Variants in FOXJ3 observed in about 807,000 individuals in gnomAD.
The protein encoded by FOXJ3 is forkhead box protein J3.
Under a neutral mutation model 76.1 loss-of-function variants are expected in FOXJ3, and 22 were observed. The observed-to-expected ratio is 0.29, with a 90% CI of 0.21 to 0.41. The LOEUF (loss-of-function observed/expected upper bound fraction) is 0.41. Ranked by LOEUF, FOXJ3 falls within the 10% of genes least tolerant of loss-of-function variation. The probability of loss-of-function intolerance (pLI) is 1.00; values close to 1 mark genes in which losing one functional copy is unlikely to be tolerated. For synonymous variants in FOXJ3, 269 were observed against 261.2 expected (o/e 1.03, Z -0.29); for missense variants, 613 against 762.1 (o/e 0.80, Z 2.30).
intron 5 of FOXJ3, among the ~76,000 whole-genome samples, chr1:42,212,980 A>AC (rs1646995765): frequency 2.6e-5 from 4 of 151,206 alleles, no homozygotes; most frequent in Admixed American, 6.6e-5. Context: ...AACAAAAAAA[A>AC]AACTAAGTTT....
chr1:42,275,696 A>T (rs1481694790), intron 3 of FOXJ3, among the ~76,000 whole-genome samples: 5 of 152,200 alleles, frequency 3.3e-5, no homozygotes, highest in East Asian at 1.9e-4. Flanking sequence ...ATAAAAATTT[A>T]AAAAAAGAAA....
At chr1:42,252,914 G>A (rs1157803137) in intron 4 of FOXJ3, among the ~76,000 whole-genome samples, 2 of 150,066 alleles carry the variant, frequency 1.3e-5, no homozygotes, top group Non-Finnish European at 3.0e-5. Context: ...AGACAGGGAT[G>A]CCCTCTCTCA....
At chr1:42,314,640 G>A (rs1655004155) in intron 1 of FOXJ3, among the ~76,000 whole-genome samples, 1 of 152,144 alleles carries the variant, frequency 6.6e-6, no homozygotes, top group Non-Finnish European at 1.5e-5. Flanking sequence ...CATCCTCTAG[G>A]GTGCACTGTC....
intron 3 of FOXJ3, among the ~76,000 whole-genome samples, chr1:42,268,736 A>G (rs1651657457): frequency 6.6e-6 from 1 of 152,212 alleles, no homozygotes; most frequent in Non-Finnish European, 1.5e-5. Context: ...TTGAAGGTAA[A>G]GTGCAGTAAC....
intron 4 of FOXJ3, among the ~76,000 whole-genome samples, chr1:42,259,323 T>C (rs1442810649): frequency 2.0e-5 from 3 of 152,238 alleles, no homozygotes; most frequent in African/African-American, 7.2e-5. Flanking sequence ...ACGCTGTGTT[T>C]GTTGAAACTA....
At chr1:42,264,998 G>A in intron 4 of FOXJ3, 117 bp downstream of exon 4, 2 of 768,064 alleles carry the variant, frequency 2.6e-6, no homozygotes, top group South Asian at 2.8e-5. Flanking sequence ...AGAGCAGGGT[G>A]GGGGAGGACT....
At chr1:42,324,104 G>GTATACACAGTA (rs1655624211) in intron 1 of FOXJ3, among the ~76,000 whole-genome samples, 1 of 88,946 alleles carries the variant, frequency 1.1e-5, no homozygotes, top group African/African-American at 5.1e-5. Context: ...TATATACTGT[G>GTATACACAGTA]TATATACACT....
chr1:42,311,482 G>A (rs1385602816), intron 1 of FOXJ3, among the ~76,000 whole-genome samples: 1 of 152,130 alleles, frequency 6.6e-6, no homozygotes, highest in Non-Finnish European at 1.5e-5. Context: ...ATTCTAGAGA[G>A]GTGCCCAAAA....
intron 2 of FOXJ3, among the ~76,000 whole-genome samples, chr1:42,303,595 T>C (rs1654287306): frequency 6.6e-6 from 1 of 152,210 alleles, no homozygotes; most frequent in African/African-American, 2.4e-5. Context: ...TTTCTATGTG[T>C]TCCCTGGCAT....
At chr1:42,232,893 G>A (rs570306323) in intron 4 of FOXJ3, among the ~76,000 whole-genome samples, 18 of 152,244 alleles carry the variant, frequency 1.2e-4, no homozygotes, top group South Asian at 2.1e-4. Flanking sequence ...GAATGGTAAT[G>A]CCTAGGTTTT....
intron 6 of FOXJ3, among the ~76,000 whole-genome samples, chr1:42,200,329 CT>C (rs1646738546): frequency 6.6e-6 from 1 of 152,136 alleles, no homozygotes; most frequent in Non-Finnish European, 1.5e-5. Context: ...GTTACAAGGC[CT>C]TGTTTTCTAT....
chr1:42,245,030 A>G (rs1467385649), intron 4 of FOXJ3, among the ~76,000 whole-genome samples: 1 of 152,120 alleles, frequency 6.6e-6, no homozygotes, highest in Non-Finnish European at 1.5e-5. Context: ...AAGTACAAAC[A>G]TTAGCTGGGC....
At chr1:42,235,197 C>T (rs1315020498) in intron 4 of FOXJ3, among the ~76,000 whole-genome samples, 2 of 152,198 alleles carry the variant, frequency 1.3e-5, no homozygotes, top group Admixed American at 6.5e-5. Context: ...TAGGACCCTC[C>T]GAGCCAGGCA....
At chr1:42,267,126 C>T (rs1439760857) in intron 3 of FOXJ3, among the ~76,000 whole-genome samples, 1 of 152,082 alleles carries the variant, frequency 6.6e-6, no homozygotes, top group Non-Finnish European at 1.5e-5. Context: ...AGGGAAGAAA[C>T]ACTGAAACAG....
At chr1:42,311,670 G>GTAGTAGTAGTAGTAGTAGTAGT (rs1200098674) in intron 1 of FOXJ3, among the ~76,000 whole-genome samples, 1 of 152,022 alleles carries the variant, frequency 6.6e-6, no homozygotes, top group African/African-American at 2.4e-5. Context: ...AGTAGTAGTA[G>GTAGTAGTAGTAGTAGTAGTAGT]TAGTAGTAAA....
At chr1:42,212,555 T>G (rs1253033397) in intron 5 of FOXJ3, among the ~76,000 whole-genome samples, 1 of 151,870 alleles carries the variant, frequency 6.6e-6, no homozygotes, top group South Asian at 2.1e-4. Context: ...TGAAAAGAAA[T>G]GAACAGTCTC....
chr1:42,272,606 C>T (rs1046842412), intron 3 of FOXJ3, among the ~76,000 whole-genome samples: 1 of 152,182 alleles, frequency 6.6e-6, no homozygotes, highest in Non-Finnish European at 1.5e-5. Flanking sequence ...TCCTTCTCTA[C>T]CCATTAGTTC....
At chr1:42,190,811 C>T (rs988798943) in intron 9 of FOXJ3, among the ~76,000 whole-genome samples, 5 of 152,146 alleles carry the variant, frequency 3.3e-5, no homozygotes, top group African/African-American at 1.2e-4. Flanking sequence ...ATAAAGCAAA[C>T]TCTGCAGCGA....
At chr1:42,265,072 G>A (rs1651363039) in intron 4 of FOXJ3, 43 bp downstream of exon 4, 1 of 1,158,386 alleles carries the variant, frequency 8.6e-7, no homozygotes, top group Non-Finnish European at 1.3e-6. Flanking sequence ...CATGACAAGT[G>A]ACATACTGAA....
Sources: gnomAD v4.1 joint callset for allele counts (sites outside exome capture counted in the v4.1 genomes callset) on GRCh38, gnomAD v4.1.1 for gene constraint, MANE v1.5 for transcripts, NCBI Gene and HGNC (gene_info 2026-07-23, HGNC 2026-07-21) for gene names.